SDK1: variants seen among roughly 807,000 people sequenced by gnomAD.
SDK1 encodes sidekick cell adhesion molecule 1.
In SDK1, 157 loss-of-function variants were observed where a neutral mutation model predicts 245.5. That is an observed-to-expected ratio of 0.64 (90% CI 0.56 to 0.73). SDK1 has a LOEUF of 0.73. Ranked by LOEUF, SDK1 falls within the 30% of genes least tolerant of loss-of-function variation. SDK1 has a pLI of 0.00. For missense variants in SDK1, 3,583 were observed against 3,002.3 expected (o/e 1.19, Z -4.52); for synonymous variants, 1,647 against 1,278.5 (o/e 1.29, Z -6.15).
intron 1 of SDK1, among the ~76,000 whole-genome samples, chr7:3,345,561 T>G (rs912548049): frequency 1.3e-5 from 2 of 152,108 alleles, no homozygotes; most frequent in Non-Finnish European, 2.9e-5. Context: ...ATAACATGAG[T>G]TATCTTTTTT....
rs547277629 is a variant in SDK1 at position 3,503,842 on chromosome 7, C to G, written c.299-115238C>G. Among the ~76,000 whole-genome samples the G allele has an allele frequency of 2.7e-3, 404 of 151,960 alleles. 3 individuals carry two copies. The highest frequency in any genetic ancestry group is 9.6e-3 in the African/African-American group (397 of 41,426). On this transcript the variant is annotated intron_variant, in intron 1 of 44. Coordinates refer to ENST00000404826, the MANE Select transcript of SDK1 (RefSeq NM_152744.4). ...CGTGATGTGTTTATGGATTGGAAGA[C>G]TTAATAATGTTAAAATATGTAGATA...
chr7:3,909,741 G>C (rs1028320432), intron 5 of SDK1, among the ~76,000 whole-genome samples: 1 of 152,214 alleles, frequency 6.6e-6, no homozygotes, highest in Admixed American at 6.5e-5. Flanking sequence ...AGGGATTAAA[G>C]AACCATCCGT....
Position 3,563,350 on chromosome 7 carries a change from C to T in SDK1, c.299-55730C>T, listed in dbSNP as rs375690932. 3.7e-4 allele frequency among the ~76,000 whole-genome samples: 56 copies of T among 151,628 alleles called. No homozygotes were observed. In the Middle Eastern group the frequency reaches 0.01, roughly 28 times the overall value. On this transcript the variant is annotated intron_variant, in intron 1 of 44. Coordinates refer to ENST00000404826, the MANE Select transcript of SDK1 (RefSeq NM_152744.4). ...TCAGATGGGGCGGAAAAACAAGATA[C>T]AAAAAATAGGTTATAAGAGACACAC...
At chr7:4,172,839 G>T (rs113040646) in intron 32 of SDK1, among the ~76,000 whole-genome samples, 78 of 152,296 alleles carry the variant, frequency 5.1e-4, no homozygotes, top group African/African-American at 1.8e-3. Context: ...TGTTCCCCCT[G>T]TGTGTCCTGT....
At position 4,149,142 on chromosome 7, in the gene SDK1, G is replaced by A. The variant is rs530882355; in HGVS notation, c.4424-120G>A. 6 of 654,756 alleles carry A rather than the reference G, an allele frequency of 9.2e-6. No individual in the cohort carries two copies. In the Admixed American group the frequency reaches 1.3e-4, roughly 14 times the overall value. The allele number at this position is 654,756 out of a possible 1,614,324, so 40.6% of individuals were successfully genotyped here. A position where few individuals can be genotyped will look rare whatever the true frequency, so the allele number is the denominator to read the frequency against. The stretch of plus-strand genomic sequence containing the variant: ...AGGGACTGGCTTCAGACTGTCCAAG[G>A]CATGCAGGCAGCTCTCATGGGCAAG... On this transcript the variant is annotated intron_variant, in intron 29 of 44. Coordinates refer to ENST00000404826, the MANE Select transcript of SDK1 (RefSeq NM_152744.4).
chr7:4,045,118 T>TA (rs1216731260), intron 17 of SDK1, among the ~76,000 whole-genome samples: 1 of 152,256 alleles, frequency 6.6e-6, no homozygotes, highest in African/African-American at 2.4e-5. Context: ...TCCCTTCTAC[T>TA]ACTGAGCAGC....
At chr7:3,312,864 G>A (rs1005674959) in intron 1 of SDK1, among the ~76,000 whole-genome samples, 17 of 152,152 alleles carry the variant, frequency 1.1e-4, no homozygotes, top group Non-Finnish European at 1.8e-4. Context: ...TACAAGTTCT[G>A]CCTGAGCTCT....
At chr7:3,651,521 G>C (rs1048044745) in intron 4 of SDK1, among the ~76,000 whole-genome samples, 1 of 152,020 alleles carries the variant, frequency 6.6e-6, no homozygotes, top group Non-Finnish European at 1.5e-5. Flanking sequence ...AAAACACAGA[G>C]GAAAAAATAT....
chr7:3,313,458 G>A (rs57231481), intron 1 of SDK1, among the ~76,000 whole-genome samples: 2,323 of 152,270 alleles, frequency 0.015, 68 homozygotes, highest in African/African-American at 0.053. Flanking sequence ...ATGATTAGTA[G>A]TTGGAACTAC....
intron 2 of SDK1, among the ~76,000 whole-genome samples, chr7:3,620,269 C>CTTAA (rs1781894850): frequency 6.6e-6 from 1 of 150,552 alleles, no homozygotes; most frequent in South Asian, 2.1e-4. Context: ...TTTTAAAAAT[C>CTTAA]AATTAAAAAA....
At chr7:3,499,788 G>C (rs1289153560) in intron 1 of SDK1, among the ~76,000 whole-genome samples, 1 of 152,168 alleles carries the variant, frequency 6.6e-6, no homozygotes, top group Non-Finnish European at 1.5e-5. Context: ...GTGGCCAAGG[G>C]CAAGAATGGG....
intron 4 of SDK1, among the ~76,000 whole-genome samples, chr7:3,739,099 G>C (rs1485865542): frequency 1.3e-5 from 2 of 151,812 alleles, no homozygotes; most frequent in Non-Finnish European, 2.9e-5. Flanking sequence ...TTTTATTTCT[G>C]AACTTTAAAT....
chr7:3,908,686 A>T (rs1779047132), intron 5 of SDK1, among the ~76,000 whole-genome samples: 1 of 152,146 alleles, frequency 6.6e-6, no homozygotes, highest in African/African-American at 2.4e-5. Context: ...ATCCTCTTTA[A>T]TATATTTTTC....
chr7:3,987,096 C>A, intron 13 of SDK1, 90 bp from the exon 14 acceptor site: 1 of 1,295,728 alleles, frequency 7.7e-7, no homozygotes, highest in South Asian at 1.3e-5. Context: ...AAACATGACA[C>A]AGCAGGACGG....
intron 4 of SDK1, among the ~76,000 whole-genome samples, chr7:3,774,444 C>T (rs947535514): frequency 6.6e-6 from 1 of 152,166 alleles, no homozygotes; most frequent in Non-Finnish European, 1.5e-5. Flanking sequence ...GTATGCCAAG[C>T]TGCTCCAGGA....
chr7:4,200,354 T>G lies in SDK1; in HGVS notation c.5099-5525T>G, dbSNP rs535323144. ...AGAGGAGCTGGAGCTACAGCTGGGATGTATCAGTCAGCTGTTACCACATAG... is the reference window on the plus strand; with the variant it reads ...AGAGGAGCTGGAGCTACAGCTGGGAGGTATCAGTCAGCTGTTACCACATAG... On this transcript the variant is annotated intron_variant, in intron 35 of 44. Coordinates refer to ENST00000404826, the MANE Select transcript of SDK1 (RefSeq NM_152744.4). Among the ~76,000 whole-genome samples the G allele has an allele frequency of 9.8e-5, 15 of 152,372 alleles. 1 individual carries two copies. The East Asian group carries it at 2.9e-3, about 29-fold the overall frequency.
intron 1 of SDK1, among the ~76,000 whole-genome samples, chr7:3,474,317 G>C (rs1048475566): frequency 6.6e-6 from 1 of 151,272 alleles, no homozygotes; most frequent in Non-Finnish European, 1.5e-5. Context: ...GATGGTCTCG[G>C]TCTCTTGACC....
At chr7:3,496,975 C>G (rs535885133) in intron 1 of SDK1, among the ~76,000 whole-genome samples, 1 of 152,130 alleles carries the variant, frequency 6.6e-6, no homozygotes, top group Non-Finnish European at 1.5e-5. Flanking sequence ...ATTTCTATCC[C>G]TCCACATTCT....
At chr7:3,590,472 T>A (rs1177919963) in intron 1 of SDK1, among the ~76,000 whole-genome samples, 1 of 152,184 alleles carries the variant, frequency 6.6e-6, no homozygotes, top group African/African-American at 2.4e-5. Context: ...AACAAGTGAA[T>A]TGACGATTTA....
Sources: gnomAD v4.1 joint callset for allele counts (sites outside exome capture counted in the v4.1 genomes callset) on GRCh38, gnomAD v4.1.1 for gene constraint, MANE v1.5 for transcripts, NCBI Gene and HGNC (gene_info 2026-07-23, HGNC 2026-07-21) for gene names.